The following PHLPP1 variants were observed in gnomAD, a reference collection of about 807,000 sequenced individuals.
PHLPP1 encodes PH domain leucine-rich repeat-containing protein phosphatase 1.
Under a neutral mutation model 117.2 loss-of-function variants are expected in PHLPP1, and 42 were observed. That is an observed-to-expected ratio of 0.36 (90% CI 0.28 to 0.46). The LOEUF is 0.46. Among genes scored for constraint, PHLPP1 ranks in the 20% least tolerant of loss-of-function variants. PHLPP1 has a pLI of 1.00. For synonymous variants in PHLPP1, 1,042 were observed against 970.7 expected, an observed-to-expected ratio of 1.07 and a Z score of -1.37; for missense variants, 2,084 against 2,241.9, an observed-to-expected ratio of 0.93 and a Z score of 1.42.
chr18:62,861,913 T>C (rs77814265), intron 4 of PHLPP1, among the ~76,000 whole-genome samples: 102 of 152,342 alleles, frequency 6.7e-4, no homozygotes, highest in African/African-American at 2.3e-3. Flanking sequence ...GATCCATTGA[T>C]CTGACTTGCA....
intron 3 of PHLPP1, 176 bp downstream of exon 3, chr18:62,839,085 G>T: frequency 3.2e-6 from 2 of 618,870 alleles, no homozygotes; most frequent in Non-Finnish European, 2.7e-6. Flanking sequence ...CTGAAAAGTG[G>T]CTTTTTAAAA....
chr18:62,820,457 A>G (rs1432317894), intron 1 of PHLPP1, among the ~76,000 whole-genome samples: 4 of 152,246 alleles, frequency 2.6e-5, no homozygotes, highest in Non-Finnish European at 4.4e-5. Context: ...TTCATCTTGA[A>G]TTGTAATCCC....
Position 62,715,797 on chromosome 18 carries a change from G to A in PHLPP1, c.114G>A (p.Ala38=). The part of the protein sequence containing the change: ...AAAAAAAAAA[A]AALAAAAGGG... Reference sequence around the variant, plus strand: ...CAGCAGCAGCAGCAGCGGCGGCCGCGGCGGCTCTGGCGGCGGCGGCCGGGG... The same window carrying A: ...CAGCAGCAGCAGCAGCGGCGGCCGCAGCGGCTCTGGCGGCGGCGGCCGGGG... Residue 38 remains alanine, a synonymous_variant, in exon 1 of 17, where the codon GCG becomes GCA. Transcript: ENST00000262719. 1.3e-6 allele frequency: 1 copy of A among 774,578 alleles called. No homozygotes were observed. Among genetic ancestry groups the A allele is most frequent in the Non-Finnish European group, 1.6e-6 (1 of 628,110 alleles). The allele number at this position is 774,578 out of a possible 1,614,324, so 48.0% of individuals were successfully genotyped here.
chr18:62,717,006 A>G lies in PHLPP1; in HGVS notation c.1323A>G (p.Ala441=). The G allele has an allele frequency of 6.5e-7, 1 of 1,543,922 alleles. No homozygotes were observed. Among genetic ancestry groups the G allele is most frequent in the Non-Finnish European group, 8.7e-7 (1 of 1,145,938 alleles). ...REGSCEEKAA[A]AVAPGGLQST... is the part of the protein sequence containing the mutation. Reference sequence around the variant, plus strand: ...GGTCGTGCGAGGAGAAGGCAGCGGCAGCCGTGGCCCCGGGAGGCCTCCAGT... The same window carrying G: ...GGTCGTGCGAGGAGAAGGCAGCGGCGGCCGTGGCCCCGGGAGGCCTCCAGT... The change falls in exon 1 of 17, where the codon GCA becomes GCG. Residue 441 remains alanine, a synonymous_variant. Coordinates refer to ENST00000262719, the MANE Select transcript of PHLPP1 (RefSeq NM_194449.4).
intron 1 of PHLPP1, among the ~76,000 whole-genome samples, chr18:62,783,840 A>G (rs1263024776): frequency 2.0e-5 from 3 of 152,230 alleles, no homozygotes; most frequent in Non-Finnish European, 4.4e-5. Context: ...TAAAAAAGCA[A>G]TACGGAATTT....
At chr18:62,831,687 G>C (rs1157463101) in intron 2 of PHLPP1, among the ~76,000 whole-genome samples, 1 of 152,120 alleles carries the variant, frequency 6.6e-6, no homozygotes, top group Non-Finnish European at 1.5e-5. Context: ...CTGTTTCAAG[G>C]GTTGTAAGTG....
intron 1 of PHLPP1, among the ~76,000 whole-genome samples, chr18:62,767,891 C>T (rs1912602569): frequency 6.6e-6 from 1 of 152,172 alleles, no homozygotes; most frequent in Non-Finnish European, 1.5e-5. Flanking sequence ...CCTCTTCATC[C>T]ACAAAGTGGT....
chr18:62,864,611 A>G (rs1915725366), intron 4 of PHLPP1, among the ~76,000 whole-genome samples: 1 of 152,234 alleles, frequency 6.6e-6, no homozygotes, highest in Non-Finnish European at 1.5e-5. Context: ...TACAACAGCA[A>G]TATATTCTAC....
chr18:62,856,301 C>A (rs917749649), intron 3 of PHLPP1, among the ~76,000 whole-genome samples: 1 of 152,156 alleles, frequency 6.6e-6, no homozygotes, highest in Non-Finnish European at 1.5e-5. Context: ...AGAGTCCTTA[C>A]AAGGCCTGAG....
intron 4 of PHLPP1, among the ~76,000 whole-genome samples, chr18:62,884,161 G>A (rs1444471502): frequency 6.6e-6 from 1 of 152,220 alleles, no homozygotes; most frequent in East Asian, 1.9e-4. Context: ...GACTCAATAA[G>A]ATGATTTGTT....
At chr18:62,800,835 TA>T (rs1407381371) in intron 1 of PHLPP1, among the ~76,000 whole-genome samples, 2 of 152,184 alleles carry the variant, frequency 1.3e-5, no homozygotes, top group African/African-American at 2.4e-5. Context: ...TGAGCTTTTG[TA>T]AACATGAACT....
intron 1 of PHLPP1, among the ~76,000 whole-genome samples, chr18:62,794,512 TGC>T (rs1913564974): frequency 6.6e-6 from 1 of 152,240 alleles, no homozygotes; most frequent in Non-Finnish European, 1.5e-5. Flanking sequence ...GGACTACAGC[TGC>T]ACATCACCAT....
intron 1 of PHLPP1, among the ~76,000 whole-genome samples, chr18:62,732,065 T>A (rs1373354331): frequency 6.6e-6 from 1 of 152,216 alleles, no homozygotes; most frequent in African/African-American, 2.4e-5. Flanking sequence ...TGATGTAGAA[T>A]CTGCAGCAAG....
chr18:62,758,971 C>T (rs751965721), intron 1 of PHLPP1, among the ~76,000 whole-genome samples: 1 of 152,078 alleles, frequency 6.6e-6, no homozygotes, highest in Non-Finnish European at 1.5e-5. Context: ...TTTACAGAGC[C>T]GACTGTGATG....
At chr18:62,952,309 A>G (rs980188022) in intron 12 of PHLPP1, among the ~76,000 whole-genome samples, 1 of 152,178 alleles carries the variant, frequency 6.6e-6, no homozygotes, top group Admixed American at 6.5e-5. Flanking sequence ...TTCAGTTTAT[A>G]CAGGATACAT....
intron 4 of PHLPP1, among the ~76,000 whole-genome samples, chr18:62,864,824 G>A (rs1430687888): frequency 6.6e-6 from 1 of 152,104 alleles, no homozygotes; most frequent in Non-Finnish European, 1.5e-5. Context: ...TCACTGGTTG[G>A]TTCACAGGAA....
At chr18:62,822,816 A>G (rs1472698795) in intron 1 of PHLPP1, among the ~76,000 whole-genome samples, 2 of 152,242 alleles carry the variant, frequency 1.3e-5, no homozygotes, top group Non-Finnish European at 2.9e-5. Context: ...AGGTAGACAA[A>G]TAGAGTAATG....
intron 4 of PHLPP1, among the ~76,000 whole-genome samples, chr18:62,863,510 A>G (rs1322707893): frequency 6.6e-6 from 1 of 152,070 alleles, no homozygotes; most frequent in Non-Finnish European, 1.5e-5. Flanking sequence ...GCCTATGGTT[A>G]TTTCTTGATT....
chr18:62,968,889 A>G (rs1910979179), intron 14 of PHLPP1, among the ~76,000 whole-genome samples: 1 of 152,116 alleles, frequency 6.6e-6, no homozygotes, highest in African/African-American at 2.4e-5. Context: ...CCACTCTCTC[A>G]TTCCTAATGT....
Sources: gnomAD v4.1 joint callset for allele counts (sites outside exome capture counted in the v4.1 genomes callset) on GRCh38, gnomAD v4.1.1 for gene constraint, MANE v1.5 for transcripts, NCBI Gene and HGNC (gene_info 2026-07-23, HGNC 2026-07-21) for gene names.